MARCHF1: variants seen among roughly 807,000 people sequenced by gnomAD.
The protein encoded by MARCHF1 is E3 ubiquitin-protein ligase MARCHF1.
MARCHF1 carries 40 observed loss-of-function variants against 54.2 expected under a neutral mutation model. The ratio of observed to expected loss-of-function variants is 0.74; its 90% CI spans 0.57 to 0.96. The LOEUF (loss-of-function observed/expected upper bound fraction) is 0.96. MARCHF1 is among the 40% of genes least tolerant of loss of function. The pLI is 0.00. For synonymous variants in MARCHF1, 236 were observed against 236.3 expected (o/e 1.00, Z 0.01); for missense variants, 586 against 656.5 (o/e 0.89, Z 1.17).
intron 2 of MARCHF1, among the ~76,000 whole-genome samples, chr4:164,037,308 GTCA>G (rs1754026652): frequency 6.6e-6 from 1 of 152,046 alleles, no homozygotes; most frequent in Non-Finnish European, 1.5e-5. Context: ...ACTAGCTTAG[GTCA>G]TCAAGGAAGT....
At chr4:163,581,568 A>C (rs1007413042) in intron 8 of MARCHF1, among the ~76,000 whole-genome samples, 3 of 152,242 alleles carry the variant, frequency 2.0e-5, no homozygotes, top group African/African-American at 7.2e-5. Context: ...GGGGCAGTTA[A>C]CCTGCTATGG....
intron 2 of MARCHF1, among the ~76,000 whole-genome samples, chr4:164,071,062 A>G (rs1034235643): frequency 8.5e-5 from 13 of 152,216 alleles, no homozygotes; most frequent in South Asian, 2.1e-4. Flanking sequence ...ATGTGGAACT[A>G]TAAGTCCAGT....
chr4:164,265,584 T>C (rs142211532), intron 1 of MARCHF1, among the ~76,000 whole-genome samples: 9 of 151,208 alleles, frequency 6.0e-5, no homozygotes, highest in Admixed American at 1.3e-4. Flanking sequence ...ACTTTCTGCT[T>C]ATGACTCAAT....
At chr4:164,133,780 A>G (rs999996784) in intron 1 of MARCHF1, among the ~76,000 whole-genome samples, 6 of 152,208 alleles carry the variant, frequency 3.9e-5, no homozygotes, top group Non-Finnish European at 5.9e-5. Context: ...CTGCCCATCT[A>G]CCTGCTAACT....
At chr4:164,144,254 C>A (rs1400401811) in intron 1 of MARCHF1, among the ~76,000 whole-genome samples, 1 of 151,444 alleles carries the variant, frequency 6.6e-6, no homozygotes, top group African/African-American at 2.4e-5. Context: ...CAACATTAGA[C>A]AGATCAATGA....
chr4:164,007,975 T>TA (rs1753333681), intron 2 of MARCHF1, among the ~76,000 whole-genome samples: 2 of 152,060 alleles, frequency 1.3e-5, no homozygotes, highest in Admixed American at 6.6e-5. Context: ...ACTCTATCAA[T>TA]AACACTTATT....
At chr4:163,824,524 A>T (rs887665333) in intron 4 of MARCHF1, among the ~76,000 whole-genome samples, 2 of 125,586 alleles carry the variant, frequency 1.6e-5, no homozygotes, top group African/African-American at 5.6e-5. Flanking sequence ...TTAGACCTAA[A>T]ACCATAAAAA....
chr4:163,639,082 A>G (rs947104222), intron 5 of MARCHF1, among the ~76,000 whole-genome samples: 6 of 152,172 alleles, frequency 3.9e-5, no homozygotes, highest in Non-Finnish European at 8.8e-5. Flanking sequence ...TTTCAGTTTT[A>G]CAGGAGGAAA....
intron 1 of MARCHF1, among the ~76,000 whole-genome samples, chr4:164,218,055 C>T (rs1731982582): frequency 6.6e-6 from 1 of 151,826 alleles, no homozygotes; most frequent in South Asian, 2.1e-4. Context: ...GCAAGGCTCA[C>T]TAGATCAAGA....
At chr4:164,064,570 T>C (rs558431723) in intron 2 of MARCHF1, among the ~76,000 whole-genome samples, 1 of 152,224 alleles carries the variant, frequency 6.6e-6, no homozygotes. Context: ...TGGGATTTTC[T>C]AGATATAGAA....
chr4:163,693,597 C>T (rs893504725), intron 5 of MARCHF1, among the ~76,000 whole-genome samples: 2 of 151,310 alleles, frequency 1.3e-5, no homozygotes, highest in African/African-American at 4.9e-5. Flanking sequence ...AGTGAAAACC[C>T]TAGTGTTCTG....
At chr4:164,165,194 G>A (rs1178869503) in intron 1 of MARCHF1, among the ~76,000 whole-genome samples, 1 of 151,976 alleles carries the variant, frequency 6.6e-6, no homozygotes, top group Non-Finnish European at 1.5e-5. Context: ...TATTGTTGTG[G>A]ACTGAATATT....
chr4:164,117,238 A>G (rs1755956874), intron 1 of MARCHF1, among the ~76,000 whole-genome samples: 1 of 152,076 alleles, frequency 6.6e-6, no homozygotes, highest in South Asian at 2.1e-4. Context: ...AGCCTGGGTG[A>G]TAGAGTGATA....
intron 4 of MARCHF1, among the ~76,000 whole-genome samples, chr4:163,777,967 A>T (rs1747352706): frequency 6.6e-6 from 1 of 152,214 alleles, no homozygotes; most frequent in African/African-American, 2.4e-5. Context: ...GCAACCACTG[A>T]ACTGTTTTCT....
intron 1 of MARCHF1, among the ~76,000 whole-genome samples, chr4:164,316,604 A>G (rs1247620075): frequency 6.6e-6 from 1 of 152,222 alleles, no homozygotes; most frequent in East Asian, 1.9e-4. Context: ...CAACACTCCT[A>G]AAAGAGTGAG....
chr4:163,845,896 T>C (rs1342764338), intron 4 of MARCHF1, among the ~76,000 whole-genome samples: 1 of 152,210 alleles, frequency 6.6e-6, no homozygotes, highest in East Asian at 1.9e-4. Flanking sequence ...GTGTGAAGTT[T>C]AAAGCATCAG....
At chr4:164,359,006 ATCTT>A (rs1730645959) in intron 1 of MARCHF1, among the ~76,000 whole-genome samples, 1 of 152,150 alleles carries the variant, frequency 6.6e-6, no homozygotes, top group South Asian at 2.1e-4. Context: ...TTTAAGAAAG[ATCTT>A]TCTCTTATTA....
intron 2 of MARCHF1, among the ~76,000 whole-genome samples, chr4:163,996,575 G>A (rs13145064): frequency 8.6e-5 from 13 of 151,870 alleles, no homozygotes; most frequent in African/African-American, 1.7e-4. Context: ...TTATAGATAC[G>A]CATTCATATA....
chr4:163,593,808 T>G (rs910378486), intron 7 of MARCHF1, among the ~76,000 whole-genome samples: 6 of 152,346 alleles, frequency 3.9e-5, no homozygotes, highest in Admixed American at 3.9e-4. Flanking sequence ...AAGTACAAAA[T>G]ACTGATGTTT....
Sources: allele counts gnomAD v4.1 joint callset (sites outside exome capture counted in the v4.1 genomes callset), GRCh38; gene constraint gnomAD v4.1.1; transcripts MANE v1.5; gene names NCBI Gene and HGNC (gene_info 2026-07-23, HGNC 2026-07-21).